CAB39: variants seen among roughly 807,000 people sequenced by gnomAD.
CAB39 encodes calcium binding protein 39, also known as calcium-binding protein 39.
A neutral mutation model predicts 40.0 loss-of-function variants in CAB39; 8 were observed. That is an observed-to-expected ratio of 0.20 (90% CI 0.12 to 0.36). The LOEUF (loss-of-function observed/expected upper bound fraction) is 0.36, where lower values mean the gene tolerates loss of function less well. Among genes scored for constraint, CAB39 ranks in the 10% least tolerant of loss-of-function variants. CAB39 has a pLI of 1.00. For missense variants in CAB39, 270 were observed against 401.1 expected (o/e 0.67, Z 2.79); for synonymous variants, 156 against 141.6 (o/e 1.10, Z -0.72).
intron 2 of CAB39, among the ~76,000 whole-genome samples, chr2:230,762,920 G>T (rs1196556269): frequency 1.3e-5 from 2 of 152,204 alleles, no homozygotes; most frequent in African/African-American, 4.8e-5. Context: ...ATGTACTGAT[G>T]TGATGATAGA....
intron 1 of CAB39, among the ~76,000 whole-genome samples, chr2:230,736,686 G>A (rs527735116): frequency 6.6e-6 from 1 of 152,210 alleles, no homozygotes; most frequent in South Asian, 2.1e-4. Context: ...TTCTCAAATC[G>A]TGGTCAGGAG....
intron 5 of CAB39, among the ~76,000 whole-genome samples, chr2:230,801,248 A>G (rs1223501383): frequency 1.3e-5 from 2 of 152,198 alleles, no homozygotes; most frequent in East Asian, 1.9e-4. Context: ...TAGCTAAACT[A>G]GCAGACAGGT....
At chr2:230,734,752 G>A (rs1694755400) in intron 1 of CAB39, among the ~76,000 whole-genome samples, 1 of 151,992 alleles carries the variant, frequency 6.6e-6, no homozygotes, top group East Asian at 1.9e-4. Flanking sequence ...GTATCATGAA[G>A]GCCTGAGGGA....
At chr2:230,817,101 C>A (rs571833016) in intron 7 of CAB39, among the ~76,000 whole-genome samples, 19 of 152,280 alleles carry the variant, frequency 1.2e-4, no homozygotes, top group African/African-American at 4.3e-4. Context: ...AATTAGTAAA[C>A]CCTTGAAGTA....
At chr2:230,794,910 C>G (rs1407713199) in intron 4 of CAB39, among the ~76,000 whole-genome samples, 1 of 152,178 alleles carries the variant, frequency 6.6e-6, no homozygotes, top group Non-Finnish European at 1.5e-5. Context: ...CATTTGCAAA[C>G]CTAATGTCTA....
chr2:230,742,449 A>C (rs2124891829), intron 1 of CAB39, among the ~76,000 whole-genome samples: 1 of 152,250 alleles, frequency 6.6e-6, no homozygotes, highest in Non-Finnish European at 1.5e-5. Context: ...TGCTGGGATT[A>C]CAGGCGTGAG....
chr2:230,764,988 CT>C (rs1263098611), intron 2 of CAB39, among the ~76,000 whole-genome samples: 2 of 151,180 alleles, frequency 1.3e-5, no homozygotes, highest in African/African-American at 2.4e-5. Flanking sequence ...TAAGTTGGAC[CT>C]TTTTTTTTCC....
chr2:230,789,666 T>G (rs945300279), intron 2 of CAB39, among the ~76,000 whole-genome samples: 1 of 152,232 alleles, frequency 6.6e-6, no homozygotes, highest in Non-Finnish European at 1.5e-5. Flanking sequence ...CAGTACTCAG[T>G]TGAAGACATG....
rs970167315 is a variant in CAB39, at chr2:230,791,116, T to G, written c.279+80T>G. 8 of 1,091,886 alleles carry G rather than the reference T, an allele frequency of 7.3e-6. No individual in the cohort carries two copies. In the Admixed American group the frequency reaches 2.0e-4, roughly 27 times the overall value. The allele number at this position is 1,091,886 out of a possible 1,614,324, so 67.6% of individuals were successfully genotyped here. On this transcript the variant is annotated intron_variant, in intron 3 of 8. Transcript: ENST00000258418. Reference sequence around the variant, plus strand: ...CCATACGTTCTCTCTTTTGGAACATTGTAAGATTCCTTTTGGGCTCTTGGC... The same window carrying G: ...CCATACGTTCTCTCTTTTGGAACATGGTAAGATTCCTTTTGGGCTCTTGGC...
At chr2:230,731,279 A>G (rs1331311023) in intron 1 of CAB39, among the ~76,000 whole-genome samples, 2 of 152,250 alleles carry the variant, frequency 1.3e-5, no homozygotes, top group Admixed American at 6.5e-5. Context: ...TGAGATGCAT[A>G]AGGCAAGACG....
intron 1 of CAB39, among the ~76,000 whole-genome samples, chr2:230,737,915 A>T (rs1489759819): frequency 6.6e-6 from 1 of 152,192 alleles, no homozygotes; most frequent in Admixed American, 6.5e-5. Context: ...TTTGAGCAAT[A>T]AAAGAAGGTA....
chr2:230,818,240 C>T (rs765198817), intron 8 of CAB39: 25 of 441,172 alleles, frequency 5.7e-5, no homozygotes, highest in Non-Finnish European at 2.0e-5. Context: ...TAATTTCTGC[C>T]CATTTTATTC....
intron 2 of CAB39, among the ~76,000 whole-genome samples, chr2:230,770,942 T>C (rs1380186247): frequency 6.6e-6 from 1 of 152,202 alleles, no homozygotes; most frequent in Non-Finnish European, 1.5e-5. Context: ...ATTATACATA[T>C]GGTGAAAGGC....
intron 2 of CAB39, among the ~76,000 whole-genome samples, chr2:230,782,813 C>CTTTCTTTCTTTTTTTTTTTTTTTTTTTTT (rs1286339069): frequency 4.9e-5 from 4 of 81,766 alleles, no homozygotes; most frequent in African/African-American, 2.5e-4. Flanking sequence ...TTCTTTCTTT[C>CTTTCTTTCTTTTTTTTTTTTTTTTTTTTT]TTTTTTTTTT....
chr2:230,728,470 C>T (rs1458821881), intron 1 of CAB39, among the ~76,000 whole-genome samples: 1 of 151,950 alleles, frequency 6.6e-6, no homozygotes, highest in Non-Finnish European at 1.5e-5. Flanking sequence ...CCACCATGCC[C>T]AGCTAATTTT....
At chr2:230,730,443 T>C (rs1409758431) in intron 1 of CAB39, among the ~76,000 whole-genome samples, 2 of 99,414 alleles carry the variant, frequency 2.0e-5, no homozygotes, top group African/African-American at 1.0e-4. Flanking sequence ...AAGAAAACTT[T>C]TCTTTTTTTT....
At chr2:230,760,905 C>T (rs951321147) in intron 2 of CAB39, among the ~76,000 whole-genome samples, 10 of 152,190 alleles carry the variant, frequency 6.6e-5, no homozygotes, top group Non-Finnish European at 1.2e-4. Flanking sequence ...CTTCTTACTG[C>T]ACTTTCTAAA....
At chr2:230,732,077 T>G (rs1329148415) in intron 1 of CAB39, among the ~76,000 whole-genome samples, 1 of 150,592 alleles carries the variant, frequency 6.6e-6, no homozygotes, top group Non-Finnish European at 1.5e-5. Context: ...AAATTATCTC[T>G]CTCTTTTTTT....
chr2:230,798,333 T>G (rs1379655178), intron 4 of CAB39, among the ~76,000 whole-genome samples: 2 of 152,190 alleles, frequency 1.3e-5, no homozygotes, highest in East Asian at 3.8e-4. Flanking sequence ...GGGAAATATT[T>G]TGTTTTCTGT....
Sources: gnomAD v4.1 joint callset for allele counts (sites outside exome capture counted in the v4.1 genomes callset) on GRCh38, gnomAD v4.1.1 for gene constraint, MANE v1.5 for transcripts, NCBI Gene and HGNC (gene_info 2026-07-23, HGNC 2026-07-21) for gene names.